The following GNL3L variants were observed in gnomAD, a reference collection of about 807,000 sequenced individuals.
The protein encoded by GNL3L is G protein nucleolar 3 like.
A neutral mutation model predicts 42.9 loss-of-function variants in GNL3L; 4 were observed. The observed-to-expected ratio is 0.09, with a 90% CI of 0.05 to 0.21. The LOEUF is 0.21. Ranked by LOEUF, GNL3L falls within the 10% of genes least tolerant of loss-of-function variation. The pLI, the probability that GNL3L is intolerant of heterozygous loss-of-function variation, is 1.00. For synonymous variants in GNL3L, 159 were observed against 176.3 expected (o/e 0.90, Z 0.78); for missense variants, 412 against 481.7 (o/e 0.86, Z 1.36).
At chrX:54,543,119 A>C (rs968746595) in intron 6 of GNL3L, 81 bp downstream of exon 6, 5 of 1,107,621 alleles carry the variant, frequency 4.5e-6, no homozygotes, top group Non-Finnish European at 6.2e-6. Flanking sequence ...TTTTTTCCTG[A>C]CTGAGATGGA....
chrX:54,605,154 C>T (rs1387456468), intron 16 of GNL3L, among the ~76,000 whole-genome samples: 1 of 111,596 alleles, frequency 9.0e-6, no homozygotes, highest in Non-Finnish European at 1.9e-5. Flanking sequence ...GGGATTCTAT[C>T]AGGTGTGACC....
intron 16 of GNL3L, among the ~76,000 whole-genome samples, chrX:54,619,685 A>T (rs984968945): frequency 9.0e-6 from 1 of 110,703 alleles, no homozygotes; most frequent in African/African-American, 3.3e-5. Flanking sequence ...CCCTCGATTG[A>T]GGATGTTTTG....
chrX:54,532,409 C>G, intron 1 of GNL3L, 111 bp from the exon 2 acceptor site: 1 of 486,425 alleles, frequency 2.1e-6, no homozygotes, highest in Non-Finnish European at 3.6e-6. Flanking sequence ...CTAATTATTA[C>G]GCCTTCCTCA....
At chrX:54,639,898 G>C in the GNL3L span, among the ~76,000 whole-genome samples, 1 of 109,840 alleles carries the variant, frequency 9.1e-6, no homozygotes, top group Non-Finnish European at 1.9e-5. Flanking sequence ...ACGCCTACTA[G>C]GGGATGGAGG....
the GNL3L span, among the ~76,000 whole-genome samples, chrX:54,635,878 A>G: frequency 9.0e-6 from 1 of 111,307 alleles, no homozygotes; most frequent in Middle Eastern, 4.6e-3. Context: ...GTGAAACATT[A>G]GAGTTTTCAC....
intron 16 of GNL3L, among the ~76,000 whole-genome samples, chrX:54,581,369 CTA>C (rs1925712093): frequency 9.0e-6 from 1 of 110,737 alleles, no homozygotes; most frequent in African/African-American, 3.3e-5. Context: ...GTAGCTGGGA[CTA>C]CAGGTGCATG....
chrX:54,583,970 ACT>A (rs1473362204), intron 16 of GNL3L, among the ~76,000 whole-genome samples: 3 of 111,247 alleles, frequency 2.7e-5, no homozygotes, highest in African/African-American at 6.5e-5. Context: ...CATGATAAAA[ACT>A]CTACAAAATT....
rs1303865573 is a variant in GNL3L at position 54,530,228 on chromosome X, C to T, written c.-239C>T. 1.0e-5 allele frequency: 1 copy of T among 95,902 alleles called. No homozygotes were observed. The highest frequency in any genetic ancestry group is 3.8e-5 in the African/African-American group (1 of 26,479). 7.9% of individuals were successfully genotyped at this position (95,902 alleles called of 1,213,427 possible). A position where few individuals can be genotyped will look rare whatever the true frequency, so the allele number is the denominator to read the frequency against. ...CGGCCTGGGATCCGGAAGTCGGAGC[C>T]TAGCTGCGCGAGAGTTTCTGCTCGC... On this transcript the variant is annotated 5_prime_UTR_variant, in exon 1 of 16. Transcript: ENST00000360845.
chrX:54,619,630 A>G lies in GNL3L; in HGVS notation c.*46-1215A>G, dbSNP rs950023185. On this transcript the variant is annotated intron_variant, in intron 16 of 16. Transcript: ENST00000674498. ...CTCGGCCTTCCAAAATGCTGGGATT[A>G]CGGATGTGAGCCACTGTGCCCAGCC... Among the ~76,000 whole-genome samples the G allele has an allele frequency of 5.4e-5, 6 of 110,841 alleles. No homozygotes were observed. The East Asian group carries it at 1.7e-3, about 31-fold the overall frequency.
chrX:54,625,816 G>A (rs911613834), downstream of GNL3L, among the ~76,000 whole-genome samples: 25 of 110,553 alleles, frequency 2.3e-4, no homozygotes, highest in Middle Eastern at 4.9e-3. Flanking sequence ...CAAAATTTTC[G>A]GACAATGACA....
downstream of GNL3L, among the ~76,000 whole-genome samples, chrX:54,571,909 T>G (rs1326079305): frequency 1.8e-5 from 2 of 110,394 alleles, no homozygotes; most frequent in Non-Finnish European, 3.8e-5. Flanking sequence ...TGCCTGAAGT[T>G]GTCCCACAGA....
chrX:54,644,014 G>A, the GNL3L span, among the ~76,000 whole-genome samples: 2 of 112,010 alleles, frequency 1.8e-5, no homozygotes, highest in Admixed American at 1.9e-4. Flanking sequence ...CAATTCATCC[G>A]TTGATGGACA....
chrX:54,536,562 A>G (rs968433529), intron 2 of GNL3L, among the ~76,000 whole-genome samples: 3 of 109,356 alleles, frequency 2.7e-5, no homozygotes, highest in Admixed American at 9.8e-5. Flanking sequence ...AGGCGAGCCA[A>G]TGACTTGAGG....
At chrX:54,631,508 A>G in the GNL3L span, among the ~76,000 whole-genome samples, 1 of 111,386 alleles carries the variant, frequency 9.0e-6, no homozygotes, top group East Asian at 2.8e-4. Context: ...TCCTTTTATC[A>G]TTATGTAATG....
intron 16 of GNL3L, among the ~76,000 whole-genome samples, chrX:54,587,266 T>C (rs774207856): frequency 6.9e-4 from 78 of 112,649 alleles, no homozygotes; most frequent in African/African-American, 2.4e-3. Context: ...GTTAGGTATA[T>C]TTGTTACAAA....
intron 14 of GNL3L, among the ~76,000 whole-genome samples, chrX:54,557,577 G>A (rs1422446974): frequency 9.0e-6 from 1 of 110,686 alleles, no homozygotes; most frequent in Non-Finnish European, 1.9e-5. Context: ...TGGGATTATA[G>A]GCACCCCTCA....
intron 16 of GNL3L, among the ~76,000 whole-genome samples, chrX:54,614,274 C>G (rs1569542686): frequency 9.0e-6 from 1 of 111,272 alleles, no homozygotes; most frequent in South Asian, 3.8e-4. Context: ...CCACTGTGCC[C>G]CCACAACAGC....
chrX:54,532,701 C>T, intron 2 of GNL3L, 116 bp downstream of exon 2: 1 of 631,212 alleles, frequency 1.6e-6, no homozygotes, highest in Non-Finnish European at 2.7e-6. Context: ...CGCTCTGTCA[C>T]CTAGGCTGGA....
the GNL3L span, among the ~76,000 whole-genome samples, chrX:54,634,462 C>T: frequency 6.7e-5 from 7 of 105,202 alleles, no homozygotes; most frequent in South Asian, 4.1e-4. Context: ...CCATCACGCC[C>T]GGCTAATTTG....
Sources: gnomAD v4.1 joint callset for allele counts (sites outside exome capture counted in the v4.1 genomes callset) on GRCh38, gnomAD v4.1.1 for gene constraint, MANE v1.5 for transcripts, NCBI Gene and HGNC (gene_info 2026-07-23, HGNC 2026-07-21) for gene names.